Variants in LRCH2 observed in about 807,000 individuals in gnomAD.
LRCH2 encodes the protein leucine-rich repeat and calponin homology domain-containing protein 2.
In LRCH2, 38 loss-of-function variants were observed where a neutral mutation model predicts 68.9. The observed-to-expected ratio is 0.55, with a 90% CI of 0.43 to 0.72. LRCH2 has a LOEUF of 0.72. Ranked by LOEUF, LRCH2 falls within the 30% of genes least tolerant of loss-of-function variation. The pLI, the probability that LRCH2 is intolerant of heterozygous loss-of-function variation, is 0.00. For synonymous variants in LRCH2, 191 were observed against 208.1 expected (o/e 0.92, Z 0.71); for missense variants, 528 against 572.9 (o/e 0.92, Z 0.80).
intron 18 of LRCH2, 82 bp from the exon 19 acceptor site, chrX:115,122,979 A>C: frequency 9.1e-7 from 1 of 1,097,347 alleles, no homozygotes; most frequent in African/African-American, 1.8e-5. Context: ...TGTATATCCA[A>C]ACATTTTAAG....
chrX:115,220,370 G>A (rs1556573083), intron 1 of LRCH2, among the ~76,000 whole-genome samples: 3 of 112,150 alleles, frequency 2.7e-5, no homozygotes. Context: ...ATATTATATT[G>A]ATAAATGTGA....
At chrX:115,192,163 G>C in intron 1 of LRCH2, 1 of 1,166,912 alleles carries the variant, frequency 8.6e-7, no homozygotes, top group Non-Finnish European at 1.1e-6. Context: ...TGACCATTAC[G>C]GAAGAGGAGG....
chrX:115,134,364 G>A (rs967990076), intron 14 of LRCH2, among the ~76,000 whole-genome samples: 42 of 112,444 alleles, frequency 3.7e-4, no homozygotes, highest in African/African-American at 1.1e-3. Context: ...AGGTGACTAC[G>A]CTAAACAACA....
chrX:115,123,023 A>C, intron 18 of LRCH2, 57 bp downstream of exon 18: 1 of 1,135,125 alleles, frequency 8.8e-7, no homozygotes, highest in Non-Finnish European at 1.2e-6. Context: ...CGCCTTATTA[A>C]TTTTCCAAGT....
intron 20 of LRCH2, among the ~76,000 whole-genome samples, chrX:115,115,500 T>A: frequency 9.0e-6 from 1 of 110,499 alleles, no homozygotes; most frequent in East Asian, 2.8e-4. Flanking sequence ...GATATCCACA[T>A]GTGAAAGAAT....
intron 1 of LRCH2, among the ~76,000 whole-genome samples, chrX:115,197,847 T>TCACACACACACA (rs1556564243): frequency 2.4e-4 from 5 of 20,563 alleles, no homozygotes; most frequent in African/African-American, 9.7e-4. Context: ...TCTCTCTCTC[T>TCACACACACACA]CACACACACA....
intron 3 of LRCH2, among the ~76,000 whole-genome samples, chrX:115,182,571 C>T (rs1201259437): frequency 1.8e-5 from 2 of 110,309 alleles, no homozygotes; most frequent in African/African-American, 6.6e-5. Context: ...CGGTGGCTGA[C>T]GCCTGTAATC....
rs782067279 is a variant in LRCH2, at chrX:115,189,752, G to A, written c.350-1382C>T. ...CCGCCAACCCCCGGCAGCGGCAGTC[G>A]CTCAAGGTTCTCACACAGAACCCGT... is the stretch of plus-strand genomic sequence containing the variant. On this transcript the variant is annotated intron_variant, in intron 1 of 20. Coordinates refer to ENST00000317135, the MANE Select transcript of LRCH2 (RefSeq NM_020871.4). The A allele has an allele frequency of 1.0e-4, 120 of 1,165,632 alleles. No homozygotes were observed. The African/African-American group carries it at 1.1e-3, about 10-fold the overall frequency.
chrX:115,182,309 C>A (rs868922765), intron 3 of LRCH2, among the ~76,000 whole-genome samples: 18 of 111,009 alleles, frequency 1.6e-4, no homozygotes, highest in Non-Finnish European at 3.2e-4. Context: ...TAAATTATAA[C>A]CTTTATAAAA....
chrX:115,172,505 T>C (rs782167067), intron 5 of LRCH2, among the ~76,000 whole-genome samples: 6 of 112,178 alleles, frequency 5.3e-5, no homozygotes, highest in Non-Finnish European at 1.1e-4. Flanking sequence ...TCACAGTTTT[T>C]CACTAAATCA....
chrX:115,150,202 A>G, intron 12 of LRCH2, 132 bp from the exon 13 acceptor site: 1 of 466,717 alleles, frequency 2.1e-6, no homozygotes, highest in Non-Finnish European at 3.4e-6. Context: ...TTGGCCTAAC[A>G]ACATAAAACT....
At chrX:115,194,543 T>C (rs1603084770) in intron 1 of LRCH2, among the ~76,000 whole-genome samples, 1 of 112,529 alleles carries the variant, frequency 8.9e-6, no homozygotes, top group African/African-American at 3.2e-5. Context: ...CAGTTTGTTA[T>C]TCTGTATAAT....
Position 115,186,530 on chromosome X carries a change from T to TA in LRCH2, c.494+1695dup, listed in dbSNP as rs1218343086. Among the ~76,000 whole-genome samples the TA allele has an allele frequency of 2.7e-5, 3 of 110,957 alleles. No individual in the cohort carries two copies. The East Asian group carries it at 8.5e-4, about 31-fold the overall frequency. On this transcript the variant is annotated intron_variant, in intron 2 of 20. Transcript: ENST00000317135. ...GTTTGCTCAAAAATTTTTGTGACTGTAAAAAAAGATCAAAGTTGACTTTTA... is the reference window on the plus strand; with the variant it reads ...GTTTGCTCAAAAATTTTTGTGACTGTAAAAAAAAGATCAAAGTTGACTTTTA...
intron 14 of LRCH2, among the ~76,000 whole-genome samples, chrX:115,138,403 G>A (rs782277493): frequency 3.6e-5 from 4 of 111,515 alleles, no homozygotes; most frequent in Non-Finnish European, 7.5e-5. Flanking sequence ...ATGAACATAC[G>A]GTTTTCCCTG....
At chrX:115,162,613 C>T (rs2147385261) in intron 11 of LRCH2, among the ~76,000 whole-genome samples, 1 of 111,540 alleles carries the variant, frequency 9.0e-6, no homozygotes, top group South Asian at 3.7e-4. Flanking sequence ...AGCAACTGTG[C>T]AAAAAAGACA....
chrX:115,135,680 G>A (rs2072284581), intron 14 of LRCH2, among the ~76,000 whole-genome samples: 1 of 111,409 alleles, frequency 9.0e-6, no homozygotes, highest in Admixed American at 9.6e-5. Flanking sequence ...TCTACCGTAC[G>A]TAAAATGCTA....
At chrX:115,216,893 G>T (rs2073045264) in intron 1 of LRCH2, among the ~76,000 whole-genome samples, 1 of 112,006 alleles carries the variant, frequency 8.9e-6, no homozygotes, top group African/African-American at 3.2e-5. Context: ...CAGAACTGAA[G>T]ATCAAGTGCC....
At chrX:115,156,340 T>A (rs913542777) in intron 12 of LRCH2, among the ~76,000 whole-genome samples, 15 of 111,432 alleles carry the variant, frequency 1.3e-4, no homozygotes, top group Non-Finnish European at 2.5e-4. Context: ...AATAGCAATA[T>A]AATAAATGTT....
At chrX:115,137,553 C>A (rs782465822) in intron 14 of LRCH2, among the ~76,000 whole-genome samples, 3 of 109,864 alleles carry the variant, frequency 2.7e-5, no homozygotes, top group Non-Finnish European at 5.7e-5. Context: ...ACAGGAGTAT[C>A]AAGAAGGAAG....
Sources: allele counts gnomAD v4.1 joint callset (sites outside exome capture counted in the v4.1 genomes callset), GRCh38; gene constraint gnomAD v4.1.1; transcripts MANE v1.5; gene names NCBI Gene and HGNC (gene_info 2026-07-23, HGNC 2026-07-21).